Variants in SGCE observed in about 807,000 individuals in gnomAD.
SGCE encodes epsilon-sarcoglycan.
A neutral mutation model predicts 57.8 loss-of-function variants in SGCE; 26 were observed. The observed-to-expected ratio is 0.45, with a 90% CI of 0.33 to 0.62. The LOEUF (loss-of-function observed/expected upper bound fraction) is 0.62. Ranked by LOEUF, SGCE falls within the 20% of genes least tolerant of loss-of-function variation. The probability of loss-of-function intolerance (pLI) is 0.02; values close to 1 mark genes in which losing one functional copy is unlikely to be tolerated. For synonymous variants in SGCE, 183 were observed against 189.5 expected (o/e 0.97, Z 0.28); for missense variants, 468 against 548.6 (o/e 0.85, Z 1.47).
chr7:94,604,855 AT>A (rs1562815590), intron 5 of SGCE, among the ~76,000 whole-genome samples: 12 of 94,096 alleles, frequency 1.3e-4, no homozygotes, highest in South Asian at 3.8e-4. Flanking sequence ...ATATATATAT[AT>A]ATAATAGTTG....
chr7:94,628,443 T>C (rs1804116655), intron 2 of SGCE, 84 bp from the exon 3 acceptor site: 14 of 1,235,038 alleles, frequency 1.1e-5, no homozygotes, highest in Non-Finnish European at 1.6e-5. Flanking sequence ...ACATTCTGTC[T>C]AAAATTTTTT....
intron 5 of SGCE, among the ~76,000 whole-genome samples, chr7:94,605,504 A>C (rs753829385): frequency 3.3e-4 from 50 of 152,190 alleles, no homozygotes; most frequent in Non-Finnish European, 4.9e-4. Context: ...GATAAGCAAA[A>C]TAAATGACAG....
intron 3 of SGCE, chr7:94,626,359 A>C (rs1433546211): frequency 2.0e-5 from 3 of 152,062 alleles, no homozygotes; most frequent in African/African-American, 7.2e-5. Flanking sequence ...CCATAGGTCA[A>C]AGAGATTTTT....
chr7:94,586,061 G>GAAAAAAAAAAAAAAAAAA (rs780812386), intron 10 of SGCE, among the ~76,000 whole-genome samples: 13 of 28,908 alleles, frequency 4.5e-4, no homozygotes, highest in South Asian at 1.8e-3. Flanking sequence ...GGAACTAAAT[G>GAAAAAAAAAAAAAAAAAA]AAAAAAAAAA....
At chr7:94,614,148 T>C (rs1801529808) in intron 5 of SGCE, among the ~76,000 whole-genome samples, 1 of 150,562 alleles carries the variant, frequency 6.6e-6, no homozygotes, top group African/African-American at 2.4e-5. Flanking sequence ...AATGTCATAG[T>C]TCTCATCATT....
At chr7:94,642,078 A>G (rs1483849981) in intron 1 of SGCE, among the ~76,000 whole-genome samples, 2 of 152,208 alleles carry the variant, frequency 1.3e-5, no homozygotes, top group Non-Finnish European at 2.9e-5. Flanking sequence ...AACCCAGGTT[A>G]TTAAAAACAA....
chr7:94,597,805 A>C (rs924265133), intron 9 of SGCE: 2 of 152,198 alleles, frequency 1.3e-5, no homozygotes, highest in African/African-American at 4.8e-5. Context: ...CCAGGATTTC[A>C]AGACCAGCCT....
intron 1 of SGCE, among the ~76,000 whole-genome samples, chr7:94,632,958 A>C (rs1804946612): frequency 6.6e-6 from 1 of 152,034 alleles, no homozygotes; most frequent in South Asian, 2.1e-4. Context: ...GCACTCACAA[A>C]CCATAAGCTT....
At chr7:94,619,519 C>T (rs966211911) in intron 4 of SGCE, 5 of 152,318 alleles carry the variant, frequency 3.3e-5, no homozygotes, top group African/African-American at 1.2e-4. Context: ...TAAAACAACC[C>T]CATGTCAAAT....
intron 9 of SGCE, chr7:94,589,492 CA>C (rs958526722): frequency 1.3e-5 from 2 of 152,426 alleles, no homozygotes; most frequent in African/African-American, 4.8e-5. Flanking sequence ...TCTTCTAAGA[CA>C]GGGGTCCCCA....
chr7:94,604,122 A>T (rs1160025535), intron 5 of SGCE, among the ~76,000 whole-genome samples: 1 of 152,116 alleles, frequency 6.6e-6, no homozygotes, highest in East Asian at 1.9e-4. Context: ...ATGGGGAAAG[A>T]TCTCTACTTA....
Position 94,618,777 on chromosome 7 carries a change from T to C in SGCE, c.643A>G (p.Ile215Val). Residue 215 changes from isoleucine (I) to valine (V), a missense_variant, in exon 5 of 11, where the codon ATT becomes GTT. By Grantham distance (29) the Ile-to-Val change is conservative. Coordinates refer to ENST00000648936, the MANE Select transcript of SGCE (RefSeq NM_003919.3). ...LDRGGRVPLP[I>V]NDLKEGVYVM... ...GCTTACCCCTCCTTCAGGTCATTAA[T>C]GGGAAGTGGCACCCTGCCACCCCTG... 1 of 1,613,972 alleles carries C rather than the reference T, an allele frequency of 6.2e-7. No individual in the cohort carries two copies. The highest frequency in any genetic ancestry group is 8.5e-7 in the Non-Finnish European group (1 of 1,179,884).
intron 3 of SGCE, 138 bp from the exon 4 acceptor site, chr7:94,623,535 C>A: frequency 1.6e-6 from 1 of 644,156 alleles, no homozygotes; most frequent in South Asian, 2.0e-5. Flanking sequence ...TATTCCTTCT[C>A]TGGGCAATGA....
At chr7:94,629,885 G>C in intron 1 of SGCE, 44 bp from the exon 2 acceptor site, 2 of 1,605,882 alleles carry the variant, frequency 1.2e-6, no homozygotes, top group Non-Finnish European at 1.7e-6. Context: ...GACAAATAAT[G>C]AGATACGCCC....
intron 5 of SGCE, among the ~76,000 whole-genome samples, chr7:94,610,178 C>T (rs372075264): frequency 1.1e-4 from 16 of 152,272 alleles, no homozygotes; most frequent in African/African-American, 3.1e-4. Context: ...ACAGTAAAAA[C>T]ATCAATGATT....
chr7:94,651,930 CT>C (rs34747123), intron 1 of SGCE, among the ~76,000 whole-genome samples: 18,156 of 151,160 alleles, frequency 0.12, 1,281 homozygotes, highest in South Asian at 0.24. Context: ...GCTTTTTCTT[CT>C]TTATTATTTT....
intron 1 of SGCE, among the ~76,000 whole-genome samples, chr7:94,638,182 T>C (rs910792284): frequency 6.6e-6 from 1 of 152,234 alleles, no homozygotes; most frequent in Non-Finnish European, 1.5e-5. Context: ...CAAATTTTTG[T>C]GATCTTTTCA....
chr7:94,606,936 A>C (rs1191781601), intron 5 of SGCE, among the ~76,000 whole-genome samples: 2 of 152,214 alleles, frequency 1.3e-5, no homozygotes, highest in Non-Finnish European at 2.9e-5. Flanking sequence ...ACCATAACTT[A>C]TCAAAATGTT....
At chr7:94,596,364 G>A (rs781200680) in intron 9 of SGCE, among the ~76,000 whole-genome samples, 8 of 152,018 alleles carry the variant, frequency 5.3e-5, no homozygotes, top group South Asian at 2.1e-4. Context: ...ACCTTTTTCC[G>A]CTCTTAAATT....
Sources: allele counts gnomAD v4.1 joint callset (sites outside exome capture counted in the v4.1 genomes callset), GRCh38; gene constraint gnomAD v4.1.1; transcripts MANE v1.5; gene names NCBI Gene and HGNC (gene_info 2026-07-23, HGNC 2026-07-21).